The following HACL1 variants were observed in gnomAD, a reference collection of about 807,000 sequenced individuals.
HACL1 encodes the protein 1600020H07Rik.
HACL1 carries 64 observed loss-of-function variants against 74.2 expected under a neutral mutation model. The ratio of observed to expected loss-of-function variants is 0.86; its 90% CI spans 0.70 to 1.06. The LOEUF (loss-of-function observed/expected upper bound fraction) is 1.06, where lower values mean the gene tolerates loss of function less well. HACL1 is among the 50% of genes least tolerant of loss of function. The pLI is 0.00. For missense variants in HACL1, 728 were observed against 719.7 expected (o/e 1.01, Z -0.13); for synonymous variants, 230 against 238.8 (o/e 0.96, Z 0.34).
intron 2 of HACL1, among the ~76,000 whole-genome samples, chr3:15,597,160 A>T (rs1389109482): frequency 1.3e-5 from 2 of 151,800 alleles, no homozygotes; most frequent in Admixed American, 1.3e-4. Context: ...TTTTATTCTC[A>T]ATCAGTCTAT....
At position 15,592,348 on chromosome 3, in the gene HACL1, T is replaced by C. The variant is rs543700224; in HGVS notation, c.228-668A>G. Among the ~76,000 whole-genome samples the C allele has an allele frequency of 4.3e-5, 6 of 138,762 alleles. No individual in the cohort carries two copies. In the South Asian group the frequency reaches 1.3e-3, roughly 29 times the overall value. The allele number at this position is 138,762 out of a possible 152,430, so 91.0% of individuals were successfully genotyped here. On this transcript the variant is annotated intron_variant, in intron 3 of 16. Coordinates refer to ENST00000321169, the MANE Select transcript of HACL1 (RefSeq NM_012260.4). ...TATATATACTCTGGGCACCAGAGTA[T>C]ACTCTATATATATGTATACATACAG...
intron 12 of HACL1, 42 bp downstream of exon 12, chr3:15,571,626 T>C (rs1420600756): frequency 3.5e-6 from 3 of 858,158 alleles, no homozygotes; most frequent in Middle Eastern, 2.2e-4. Context: ...AACTGAATCA[T>C]GAGCCTGACC....
At chr3:15,570,456 G>T (rs1465447311) in intron 12 of HACL1, among the ~76,000 whole-genome samples, 1 of 151,706 alleles carries the variant, frequency 6.6e-6, no homozygotes, top group Non-Finnish European at 1.5e-5. Flanking sequence ...AGGGAACCAA[G>T]TGAGCATAAC....
intron 4 of HACL1, 35 bp from the exon 5 acceptor site, chr3:15,589,647 A>T: frequency 7.9e-7 from 1 of 1,273,748 alleles, no homozygotes; most frequent in Non-Finnish European, 1.1e-6. Context: ...GATAATTACA[A>T]ATTAGATCAT....
At position 15,570,119 on chromosome 3, in the gene HACL1, G is replaced by A. The variant is rs145556008; in HGVS notation, c.1096-1533C>T. Reference sequence around the variant, plus strand: ...TGGGAGGCCAAGGCGGGCGGATCACGAGGTCAAGAGATCAAGACCATCCTG... The same window carrying A: ...TGGGAGGCCAAGGCGGGCGGATCACAAGGTCAAGAGATCAAGACCATCCTG... On this transcript the variant is annotated intron_variant, in intron 12 of 16. Transcript: ENST00000321169. Among the ~76,000 whole-genome samples, 803 of 152,122 alleles carry A rather than the reference G, an allele frequency of 5.3e-3. 5 individuals are homozygous for A. The highest frequency in any genetic ancestry group is 0.018 in the African/African-American group (737 of 41,490).
chr3:15,596,361 A>T lies in HACL1; in HGVS notation c.227+23T>A, dbSNP rs191852706. On this transcript the variant is annotated intron_variant, in intron 3 of 16. Transcript: ENST00000321169. The stretch of plus-strand genomic sequence containing the variant: ...CTACCCCAAAATATTAAAGTAATTG[A>T]AGTGAAACAAATTTTAGTTTACCTG... 3.1e-3 allele frequency: 4,311 copies of T among 1,384,024 alleles called. 15 individuals are homozygous for T. Among genetic ancestry groups the T allele is most frequent in the Non-Finnish European group, 3.9e-3 (3,808 of 970,232 alleles). The allele number at this position is 1,384,024 out of a possible 1,614,324, so 85.7% of individuals were successfully genotyped here. A position where few individuals can be genotyped will look rare whatever the true frequency, so the allele number is the denominator to read the frequency against.
intron 2 of HACL1, 141 bp from the exon 3 acceptor site, chr3:15,596,565 C>T (rs2064069293): frequency 1.7e-6 from 1 of 595,276 alleles, no homozygotes. Context: ...AATAAATGTT[C>T]TACACATAAA....
At chr3:15,596,480 T>A in intron 2 of HACL1, 56 bp from the exon 3 acceptor site, 1 of 973,976 alleles carries the variant, frequency 1.0e-6, no homozygotes, top group Non-Finnish European at 1.7e-6. Context: ...AGTACATTTA[T>A]GACAGCAACT....
intron 11 of HACL1, among the ~76,000 whole-genome samples, chr3:15,572,303 TGTGG>T (rs77934535): frequency 3.9e-5 from 6 of 152,160 alleles, no homozygotes; most frequent in Non-Finnish European, 7.3e-5. Context: ...GTTTGGTCAG[TGTGG>T]GTGTCTGCCA....
intron 2 of HACL1, among the ~76,000 whole-genome samples, chr3:15,599,175 TTGTCTG>T (rs959845253): frequency 6.6e-6 from 1 of 152,220 alleles, no homozygotes; most frequent in African/African-American, 2.4e-5. Context: ...TATAATACAA[TTGTCTG>T]TGTCTGTCTC....
In HACL1 at chr3:15,596,419, A is replaced by T. The variant is rs756118578; in HGVS notation, c.192T>A (p.Cys64Ter). 6.3e-7 allele frequency: 1 copy of T among 1,598,100 alleles called. No homozygotes were observed. Among genetic ancestry groups the T allele is most frequent in the Non-Finnish European group, 8.6e-7 (1 of 1,165,474 alleles). ...GATATCCAATCGCGGAGGCAGCATA[A>T]CAAGCCTACGAGAAAACAACACTGG... is the stretch of plus-strand genomic sequence containing the variant. ...YIGMRNEQAA[C>*]YAASAIGYLT... Residue 64 changes from cysteine to a stop codon, truncating the protein, a stop_gained, in exon 3 of 17, where the codon TGT becomes TGA. Transcript: ENST00000321169. LOFTEE classifies it high-confidence loss of function.
At chr3:15,592,422 A>T (rs906820473) in intron 3 of HACL1, among the ~76,000 whole-genome samples, 2 of 150,698 alleles carry the variant, frequency 1.3e-5, no homozygotes, top group Non-Finnish European at 3.0e-5. Context: ...GTATACACAC[A>T]CGTATGCATG....
At chr3:15,567,010 G>C (rs961676082) in intron 14 of HACL1, among the ~76,000 whole-genome samples, 1 of 151,366 alleles carries the variant, frequency 6.6e-6, no homozygotes, top group South Asian at 2.1e-4. Context: ...AGTAGAGATG[G>C]GGTTTTACCA....
rs1182062897 is a variant in HACL1 at position 15,564,532 on chromosome 3, A to G, written c.1517+19T>C. 4 of 1,012,176 alleles carry G rather than the reference A, an allele frequency of 4.0e-6. No homozygotes were observed. The highest frequency in any genetic ancestry group is 2.0e-4 in the Middle Eastern group (1 of 4,912). The allele number at this position is 1,012,176 out of a possible 1,614,324, so 62.7% of individuals were successfully genotyped here. ...AACGGGAAAGAGAAAGTAAACAGAC[A>G]TTGGTCTTGGTTACTTACACTGCAG... On this transcript the variant is annotated intron_variant, in intron 15 of 16. Coordinates refer to ENST00000321169, the MANE Select transcript of HACL1 (RefSeq NM_012260.4).
chr3:15,592,204 A>G (rs1487487878), intron 3 of HACL1, among the ~76,000 whole-genome samples: 1 of 150,622 alleles, frequency 6.6e-6, no homozygotes, highest in Non-Finnish European at 1.5e-5. Context: ...ATATATGTAT[A>G]CATGCGTGTA....
intron 2 of HACL1, among the ~76,000 whole-genome samples, chr3:15,596,833 T>G (rs945470425): frequency 5.3e-5 from 8 of 152,194 alleles, no homozygotes; most frequent in African/African-American, 1.9e-4. Flanking sequence ...CTCTATTGTT[T>G]GTTTTCTATT....
chr3:15,600,849 G>C (rs2064204828), intron 2 of HACL1: 2 of 581,222 alleles, frequency 3.4e-6, no homozygotes, highest in Non-Finnish European at 6.2e-6. Context: ...CCCAGAATAC[G>C]TGGGTTCAAA....
At position 15,571,772 on chromosome 3, in the gene HACL1, T is replaced by A. The variant is rs56298314; in HGVS notation, c.994-3A>T. 2,627 of 828,516 alleles carry A rather than the reference T, an allele frequency of 3.2e-3. 10 individuals are homozygous for A. Among genetic ancestry groups the A allele is most frequent in the East Asian group, 0.015 (527 of 34,380 alleles). 51.3% of individuals were successfully genotyped at this position (828,516 alleles called of 1,614,324 possible). On this transcript the variant is annotated splice_polypyrimidine_tract_variant and splice_region_variant and intron_variant, in intron 11 of 16. Coordinates refer to ENST00000321169, the MANE Select transcript of HACL1 (RefSeq NM_012260.4). ...GTTTTATCAAGTTCCTCTAAAAGCT[T>A]AAAAAAAAAAAAACACACACACACA...
In HACL1 at chr3:15,596,389, T is replaced by C. The variant is rs776763749; in HGVS notation, c.222A>G (p.Thr74=). The change falls in exon 3 of 17, where the codon ACA becomes ACG. Residue 74 remains threonine, a synonymous_variant. Transcript: ENST00000321169. ...TGAAACAAATTTTAGTTTACCTGCT[T>C]GTCAGATATCCAATCGCGGAGGCAG... ...CYAASAIGYL[T]SRPGVCLVVS... 1.9e-6 allele frequency: 3 copies of C among 1,585,672 alleles called. No homozygotes were observed. The highest frequency in any genetic ancestry group is 2.2e-5 in the South Asian group (2 of 90,444).
Sources: gnomAD v4.1 joint callset for allele counts (sites outside exome capture counted in the v4.1 genomes callset) on GRCh38, gnomAD v4.1.1 for gene constraint, MANE v1.5 for transcripts, NCBI Gene and HGNC (gene_info 2026-07-23, HGNC 2026-07-21) for gene names.